FSTL4: variants seen among roughly 807,000 people sequenced by gnomAD.
The protein encoded by FSTL4 is follistatin-related protein 4.
FSTL4 carries 28 observed loss-of-function variants against 78.2 expected under a neutral mutation model. That is an observed-to-expected ratio of 0.36 (90% CI 0.27 to 0.49). The LOEUF is 0.49. Among genes scored for constraint, FSTL4 ranks in the 20% least tolerant of loss-of-function variants. FSTL4 has a pLI of 0.98. For missense variants in FSTL4, 922 were observed against 1,084.9 expected (o/e 0.85, Z 2.11); for synonymous variants, 422 against 440.5 (o/e 0.96, Z 0.53).
intron 6 of FSTL4, among the ~76,000 whole-genome samples, chr5:133,250,959 CA>C: frequency 6.6e-6 from 1 of 152,302 alleles, no homozygotes; most frequent in Admixed American, 6.5e-5. Flanking sequence ...GGGACAATCA[CA>C]CACAGGAAAA....
intron 14 of FSTL4, among the ~76,000 whole-genome samples, chr5:133,207,190 T>C (rs1317229822): frequency 1.3e-5 from 2 of 152,238 alleles, no homozygotes; most frequent in African/African-American, 2.4e-5. Context: ...AATTTTCCTG[T>C]CATCTTGTCT....
chr5:133,314,701 C>A (rs1167162414), intron 5 of FSTL4, among the ~76,000 whole-genome samples: 1 of 152,034 alleles, frequency 6.6e-6, no homozygotes, highest in African/African-American at 2.4e-5. Flanking sequence ...ACAACTCAGG[C>A]AAGTTGTCTG....
intron 8 of FSTL4, among the ~76,000 whole-genome samples, chr5:133,228,755 C>T: frequency 6.6e-6 from 1 of 151,466 alleles, no homozygotes; most frequent in Non-Finnish European, 1.5e-5. Flanking sequence ...TTTCTTCGTG[C>T]AATGCAGAAT....
chr5:133,706,030 G>A, the FSTL4 span, among the ~76,000 whole-genome samples: 1 of 152,290 alleles, frequency 6.6e-6, no homozygotes, highest in South Asian at 2.1e-4. Flanking sequence ...GTGCATCCCT[G>A]CAAATGCTCC....
rs201829127 is a variant in FSTL4, at chr5:133,344,903, CTCT to C, written c.410-28254_410-28252del. On this transcript the variant is annotated intron_variant, in intron 4 of 15. Transcript: ENST00000265342. ...TTAGCTCTTCTGTTTCTTGGACCAG[CTCT>C]TCTTCTTTCTAGGTTCCTTTTCTGT... 5.6e-3 allele frequency among the ~76,000 whole-genome samples: 845 copies of C among 151,988 alleles called. 5 individuals are homozygous for C. The highest frequency in any genetic ancestry group is 0.019 in the African/African-American group (781 of 41,432).
chr5:133,206,688 G>A (rs1251644607), intron 14 of FSTL4, among the ~76,000 whole-genome samples: 3 of 151,996 alleles, frequency 2.0e-5, no homozygotes, highest in Non-Finnish European at 4.4e-5. Flanking sequence ...TCATCCTCCT[G>A]TATCTGGAAT....
intron 6 of FSTL4, among the ~76,000 whole-genome samples, chr5:133,310,842 G>A (rs1159905572): frequency 6.6e-6 from 1 of 152,204 alleles, no homozygotes; most frequent in Non-Finnish European, 1.5e-5. Flanking sequence ...GAGAGCTGCT[G>A]TTCCTGTAAC....
intron 4 of FSTL4, among the ~76,000 whole-genome samples, chr5:133,365,281 A>G (rs1176993634): frequency 6.6e-6 from 1 of 152,156 alleles, no homozygotes; most frequent in Non-Finnish European, 1.5e-5. Flanking sequence ...GAAAAAGAAC[A>G]CAAGATATCC....
the FSTL4 span, among the ~76,000 whole-genome samples, chr5:133,641,278 A>AACAAAATAAC: frequency 8.6e-5 from 13 of 151,900 alleles, no homozygotes; most frequent in Non-Finnish European, 1.6e-4. Context: ...ACAAAAAAAA[A>AACAAAATAAC]CACGTACTGA....
intron 7 of FSTL4, among the ~76,000 whole-genome samples, chr5:133,234,446 G>T (rs1052065745): frequency 2.6e-5 from 4 of 152,152 alleles, no homozygotes; most frequent in Non-Finnish European, 5.9e-5. Flanking sequence ...GATGAGCACT[G>T]GGCACCAAGC....
At chr5:133,267,818 A>G (rs1476643439) in intron 6 of FSTL4, among the ~76,000 whole-genome samples, 1 of 152,166 alleles carries the variant, frequency 6.6e-6, no homozygotes, top group Non-Finnish European at 1.5e-5. Flanking sequence ...GAAGAAGGTC[A>G]TGAGACATAG....
the FSTL4 span, among the ~76,000 whole-genome samples, chr5:133,740,292 C>T: frequency 2.0e-5 from 3 of 152,152 alleles, no homozygotes; most frequent in African/African-American, 7.2e-5. Context: ...AAGAGTGGGG[C>T]AGGCATTCTC....
At chr5:133,336,299 A>G (rs948901508) in intron 4 of FSTL4, among the ~76,000 whole-genome samples, 12 of 152,158 alleles carry the variant, frequency 7.9e-5, no homozygotes, top group Admixed American at 2.6e-4. Flanking sequence ...ACAAACAAGC[A>G]CTGACCCCAC....
intron 7 of FSTL4, among the ~76,000 whole-genome samples, chr5:133,240,061 C>T (rs966635363): frequency 2.0e-5 from 3 of 152,208 alleles, no homozygotes; most frequent in African/African-American, 4.8e-5. Flanking sequence ...TGCTGCTGCT[C>T]ACTCTTTAGG....
At chr5:133,816,413 C>T in the FSTL4 span, among the ~76,000 whole-genome samples, 1 of 152,204 alleles carries the variant, frequency 6.6e-6, no homozygotes, top group African/African-American at 2.4e-5. Context: ...CCAAAGTTTG[C>T]ACAGTCCTGG....
chr5:133,311,063 T>G (rs544093403), intron 6 of FSTL4, among the ~76,000 whole-genome samples: 1 of 152,256 alleles, frequency 6.6e-6, no homozygotes, highest in East Asian at 1.9e-4. Context: ...GTAGCATATG[T>G]GTGGTGTGAA....
At chr5:133,368,509 G>C (rs1315118784) in intron 4 of FSTL4, among the ~76,000 whole-genome samples, 1 of 152,226 alleles carries the variant, frequency 6.6e-6, no homozygotes, top group Non-Finnish European at 1.5e-5. Context: ...GTTTTTGTGA[G>C]CTCTGTGAAT....
the FSTL4 span, among the ~76,000 whole-genome samples, chr5:133,697,312 C>T: frequency 1.3e-5 from 2 of 152,170 alleles, no homozygotes; most frequent in African/African-American, 2.4e-5. Context: ...GGGTGAAACA[C>T]GGCCCTGCCC....
At chr5:133,830,455 G>C in the FSTL4 span, among the ~76,000 whole-genome samples, 2 of 152,170 alleles carry the variant, frequency 1.3e-5, no homozygotes, top group Admixed American at 6.5e-5. Context: ...AAGGGCACAG[G>C]GCTGGGGCAA....
Sources: allele counts gnomAD v4.1 joint callset (sites outside exome capture counted in the v4.1 genomes callset), GRCh38; gene constraint gnomAD v4.1.1; transcripts MANE v1.5; gene names NCBI Gene and HGNC (gene_info 2026-07-23, HGNC 2026-07-21).